The following LRRC4C variants were observed in gnomAD, a reference collection of about 807,000 sequenced individuals.
LRRC4C encodes leucine-rich repeat-containing protein 4C.
In LRRC4C, 5 loss-of-function variants were observed where a neutral mutation model predicts 33.6. The ratio of observed to expected loss-of-function variants is 0.15; its 90% confidence interval spans 0.08 to 0.31. The LOEUF (loss-of-function observed/expected upper bound fraction) is 0.31, where lower values mean the gene tolerates loss of function less well. Ranked by LOEUF, LRRC4C falls within the 10% of genes least tolerant of loss-of-function variation. The probability of loss-of-function intolerance (pLI) is 1.00; values close to 1 mark genes in which losing one functional copy is unlikely to be tolerated. For missense variants in LRRC4C, 560 were observed against 796.7 expected (o/e 0.70, Z 3.58); for synonymous variants, 329 against 302.0 (o/e 1.09, Z -0.93).
chr11:41,176,083 A>G (rs1465159457), intron 1 of LRRC4C, among the ~76,000 whole-genome samples: 1 of 152,218 alleles, frequency 6.6e-6, no homozygotes, highest in Non-Finnish European at 1.5e-5. Flanking sequence ...ACTAAAACTA[A>G]AAGTCATTAT....
intron 1 of LRRC4C, among the ~76,000 whole-genome samples, chr11:41,387,759 C>G (rs1005275767): frequency 7.9e-5 from 12 of 151,748 alleles, no homozygotes; most frequent in African/African-American, 2.9e-4. Context: ...ACCCGACACC[C>G]ATAGTTATAT....
intron 1 of LRRC4C, among the ~76,000 whole-genome samples, chr11:41,047,386 T>A (rs1857848111): frequency 2.6e-5 from 4 of 152,130 alleles, no homozygotes; most frequent in Admixed American, 2.6e-4. Flanking sequence ...TTAACTCTCT[T>A]ACATTGCTGG....
At chr11:40,989,754 C>T (rs944556416) in intron 1 of LRRC4C, among the ~76,000 whole-genome samples, 6 of 152,084 alleles carry the variant, frequency 3.9e-5, no homozygotes, top group South Asian at 2.1e-4. Flanking sequence ...TGTTTTCACA[C>T]GTCAAAAATA....
chr11:40,867,524 A>G (rs1196141293), intron 2 of LRRC4C, among the ~76,000 whole-genome samples: 1 of 152,242 alleles, frequency 6.6e-6, no homozygotes, highest in African/African-American at 2.4e-5. Flanking sequence ...ATAGTAGTCT[A>G]GACTTCTGAA....
intron 4 of LRRC4C, among the ~76,000 whole-genome samples, chr11:40,313,639 G>T (rs1945431325): frequency 8.8e-6 from 1 of 114,160 alleles, no homozygotes; most frequent in Non-Finnish European, 1.6e-5. Context: ...ATGGAGTCTC[G>T]CTCTATCACC....
intron 3 of LRRC4C, among the ~76,000 whole-genome samples, chr11:40,380,766 T>C (rs575742882): frequency 2.6e-5 from 4 of 152,304 alleles, no homozygotes; most frequent in South Asian, 4.1e-4. Flanking sequence ...CTTGAAATCA[T>C]TGGATTCTAT....
intron 1 of LRRC4C, among the ~76,000 whole-genome samples, chr11:41,025,131 A>G (rs1474358846): frequency 4.0e-5 from 6 of 151,558 alleles, no homozygotes; most frequent in Admixed American, 3.3e-4. Context: ...AACAATATTG[A>G]AATTAGGCCA....
At chr11:40,807,773 GA>G (rs1446999694) in intron 2 of LRRC4C, among the ~76,000 whole-genome samples, 1 of 152,184 alleles carries the variant, frequency 6.6e-6, no homozygotes, top group Non-Finnish European at 1.5e-5. Context: ...CATATGGCGA[GA>G]AAATCAACAT....
At chr11:41,246,807 T>C (rs1412688061) in intron 1 of LRRC4C, among the ~76,000 whole-genome samples, 1 of 152,254 alleles carries the variant, frequency 6.6e-6, no homozygotes, top group Non-Finnish European at 1.5e-5. Context: ...ATGTCAAAGC[T>C]AGTATTAAGC....
At chr11:41,001,907 T>C (rs1356965265) in intron 1 of LRRC4C, among the ~76,000 whole-genome samples, 1 of 151,744 alleles carries the variant, frequency 6.6e-6, no homozygotes, top group Non-Finnish European at 1.5e-5. Context: ...ACCGACACTG[T>C]AGATATTTAT....
At chr11:40,825,053 G>A (rs1190751733) in intron 2 of LRRC4C, among the ~76,000 whole-genome samples, 1 of 151,880 alleles carries the variant, frequency 6.6e-6, no homozygotes, top group Non-Finnish European at 1.5e-5. Flanking sequence ...TAAGTACATT[G>A]TGTAGGTGCT....
At chr11:40,246,022 G>A (rs1379794777) in intron 4 of LRRC4C, among the ~76,000 whole-genome samples, 4 of 146,952 alleles carry the variant, frequency 2.7e-5, no homozygotes, top group Non-Finnish European at 5.9e-5. Context: ...TGCCCAGGCT[G>A]GAGTGCAGTG....
chr11:40,582,556 G>T (rs116785370), intron 3 of LRRC4C, among the ~76,000 whole-genome samples: 2,376 of 131,870 alleles, frequency 0.018, 80 homozygotes, highest in African/African-American at 0.062. Flanking sequence ...CACGCTTGTT[G>T]CCCAGGCTGG....
chr11:40,744,178 G>A (rs1221162816), intron 2 of LRRC4C, among the ~76,000 whole-genome samples: 1 of 152,212 alleles, frequency 6.6e-6, no homozygotes, highest in South Asian at 2.1e-4. Context: ...TTCTGATGAT[G>A]GGAGATAGAT....
At chr11:40,409,099 T>C (rs1950064872) in intron 3 of LRRC4C, among the ~76,000 whole-genome samples, 1 of 151,864 alleles carries the variant, frequency 6.6e-6, no homozygotes, top group African/African-American at 2.4e-5. Context: ...AATCCACACA[T>C]TTATGGTCAA....
chr11:40,159,627 A>G (rs966447859), intron 5 of LRRC4C, among the ~76,000 whole-genome samples: 1 of 152,192 alleles, frequency 6.6e-6, no homozygotes, highest in Non-Finnish European at 1.5e-5. Flanking sequence ...ATTAAAATAC[A>G]TATACTTTTA....
chr11:40,143,268 C>T (rs1037546021), intron 5 of LRRC4C, among the ~76,000 whole-genome samples: 1 of 152,170 alleles, frequency 6.6e-6, no homozygotes, highest in African/African-American at 2.4e-5. Context: ...CTAATTTCTC[C>T]ACATAGTGGA....
intron 1 of LRRC4C, among the ~76,000 whole-genome samples, chr11:41,307,278 A>T (rs1188080877): frequency 2.0e-5 from 3 of 152,204 alleles, no homozygotes; most frequent in Non-Finnish European, 2.9e-5. Flanking sequence ...ATTTCAAAAA[A>T]AAAAGAAGAC....
At chr11:41,431,342 G>A (rs1955226951) in intron 1 of LRRC4C, among the ~76,000 whole-genome samples, 1 of 151,780 alleles carries the variant, frequency 6.6e-6, no homozygotes. Context: ...GACACTTACT[G>A]AGAGAAAGTT....
Sources: allele counts gnomAD v4.1 joint callset (sites outside exome capture counted in the v4.1 genomes callset), GRCh38; gene constraint gnomAD v4.1.1; transcripts MANE v1.5; gene names NCBI Gene and HGNC (gene_info 2026-07-23, HGNC 2026-07-21).